Variants in PELO observed in about 807,000 individuals in gnomAD.
The protein encoded by PELO is protein pelota homolog.
Under a neutral mutation model 25.9 loss-of-function variants are expected in PELO, and 19 were observed. The ratio of observed to expected loss-of-function variants is 0.73; its 90% confidence interval spans 0.51 to 1.08. The LOEUF is 1.08. Ranked by LOEUF, PELO falls within the 50% of genes least tolerant of loss-of-function variation. The pLI, the probability that PELO is intolerant of heterozygous loss-of-function variation, is 0.00. For synonymous variants in PELO, 196 were observed against 192.2 expected, an observed-to-expected ratio of 1.02 and a Z score of -0.16; for missense variants, 498 against 491.4, an observed-to-expected ratio of 1.01 and a Z score of -0.13.
At chr5:52,788,857 CT>C (rs145683910) in intron 1 of PELO, among the ~76,000 whole-genome samples, 12,320 of 151,992 alleles carry the variant, frequency 0.081, 580 homozygotes, top group East Asian at 0.22. Context: ...ATTGAATTTT[CT>C]TGCTGTCTAC....
intron 1 of PELO, among the ~76,000 whole-genome samples, chr5:52,791,320 A>G (rs992435457): frequency 2.6e-5 from 4 of 152,180 alleles, no homozygotes; most frequent in African/African-American, 9.6e-5. Context: ...CAAGGTGAGA[A>G]GAAAAACCAT....
Position 52,788,113 on chromosome 5 carries a change from C to A in PELO, c.-812C>A, listed in dbSNP as rs1175779799. The A allele has an allele frequency of 2.3e-6, 1 of 428,210 alleles. No homozygotes were observed. The highest frequency in any genetic ancestry group is 2.1e-5 in the African/African-American group (1 of 48,336). 26.5% of individuals were successfully genotyped at this position (428,210 alleles called of 1,614,324 possible). On this transcript the variant is annotated 5_prime_UTR_variant, in exon 1 of 3. Transcript: ENST00000274311. The stretch of plus-strand genomic sequence containing the variant: ...CCAGTGAGATTTCAGAGACCAAGAG[C>A]GCGAAGGGGCGGGCGATGTGGCAAT...
At chr5:52,797,732 C>A (rs1748373151) in intron 1 of PELO, among the ~76,000 whole-genome samples, 1 of 152,136 alleles carries the variant, frequency 6.6e-6, no homozygotes, top group Non-Finnish European at 1.5e-5. Context: ...AATTTCAATG[C>A]TAGTCATGTG....
chr5:52,790,584 C>T (rs566478008), intron 1 of PELO, among the ~76,000 whole-genome samples: 3 of 152,146 alleles, frequency 2.0e-5, no homozygotes, highest in Non-Finnish European at 2.9e-5. Context: ...CATCTTCAAC[C>T]GAGCAGGGTA....
chr5:52,791,099 G>A (rs1027993349), intron 1 of PELO, among the ~76,000 whole-genome samples: 2 of 152,034 alleles, frequency 1.3e-5, no homozygotes, highest in East Asian at 1.9e-4. Context: ...TCCTTACAAC[G>A]TTTACTAAAA....
chr5:52,800,164 C>A lies in PELO; in HGVS notation c.-231C>A. The A allele has an allele frequency of 1.8e-6, 1 of 566,920 alleles. No homozygotes were observed. Among genetic ancestry groups the A allele is most frequent in the Non-Finnish European group, 3.2e-6 (1 of 316,168 alleles). 35.1% of individuals were successfully genotyped at this position (566,920 alleles called of 1,614,324 possible). Reference sequence around the variant, plus strand: ...AGGGGTAGATTTTCGCTGCAGTGTTCCCCGAGCCTGTTAGACGCAGCGCGC... The same window carrying A: ...AGGGGTAGATTTTCGCTGCAGTGTTACCCGAGCCTGTTAGACGCAGCGCGC... On this transcript the variant is annotated 5_prime_UTR_variant, in exon 2 of 3. Coordinates refer to ENST00000274311, the MANE Select transcript of PELO (RefSeq NM_015946.5).
chr5:52,793,314 C>T lies in PELO; in HGVS notation c.-511+4900C>T, dbSNP rs917146176. 1.2e-4 allele frequency among the ~76,000 whole-genome samples: 19 copies of T among 152,002 alleles called. 1 individual carries two copies. Among genetic ancestry groups the T allele is most frequent in the Admixed American group, 9.8e-4 (15 of 15,262 alleles). ...TGACTATTGACAAACTCAGAAAATA[C>T]TTAAGGGATCAGATTGTCCCTTTAT... On this transcript the variant is annotated intron_variant, in intron 1 of 2. Coordinates refer to ENST00000274311, the MANE Select transcript of PELO (RefSeq NM_015946.5).
rs534003497 is a variant in PELO, at chr5:52,798,251, G to A, written c.-510-1634G>A. Among the ~76,000 whole-genome samples, 7 of 152,302 alleles carry A rather than the reference G, an allele frequency of 4.6e-5. No individual in the cohort carries two copies. In the South Asian group the frequency reaches 1.4e-3, roughly 32 times the overall value. On this transcript the variant is annotated intron_variant, in intron 1 of 2. Transcript: ENST00000274311. ...ATTAGGAACTTCTTGAGGGTACTCA[G>A]TATGATAGGAAGGTGGGAAGAAGGA... is the stretch of plus-strand genomic sequence containing the variant.
intron 1 of PELO, among the ~76,000 whole-genome samples, chr5:52,792,586 G>A (rs1777963972): frequency 6.6e-6 from 1 of 152,114 alleles, no homozygotes. Context: ...GTAGATAGAT[G>A]CTCCTCTAAC....
rs1446407986 is a variant in PELO, at chr5:52,797,952, T to C, written c.-510-1933T>C. On this transcript the variant is annotated intron_variant, in intron 1 of 2. Coordinates refer to ENST00000274311, the MANE Select transcript of PELO (RefSeq NM_015946.5). ...GTGGCTTTTAATCTTTGGCAGACTA[T>C]GGGAAAGATAAATTGTACTTAGAAA... Among the ~76,000 whole-genome samples the C allele has an allele frequency of 2.6e-5, 4 of 152,308 alleles. No homozygotes were observed. In the East Asian group the frequency reaches 5.8e-4, roughly 22 times the overall value.
chr5:52,800,147 A>G lies in PELO; in HGVS notation c.-248A>G, dbSNP rs1018418900. 1.3e-5 allele frequency: 7 copies of G among 534,396 alleles called. 1 individual carries two copies. Among genetic ancestry groups the G allele is most frequent in the African/African-American group, 7.6e-5 (4 of 52,354 alleles). 33.1% of individuals were successfully genotyped at this position (534,396 alleles called of 1,614,324 possible). A position where few individuals can be genotyped will look rare whatever the true frequency, so the allele number is the denominator to read the frequency against. The stretch of plus-strand genomic sequence containing the variant: ...GCCAGCGGGAACTGTGTAGGGGTAG[A>G]TTTTCGCTGCAGTGTTCCCCGAGCC... On this transcript the variant is annotated 5_prime_UTR_variant, in exon 2 of 3. Coordinates refer to ENST00000274311, the MANE Select transcript of PELO (RefSeq NM_015946.5).
At chr5:52,788,932 G>A (rs1003348455) in intron 1 of PELO, among the ~76,000 whole-genome samples, 31 of 152,142 alleles carry the variant, frequency 2.0e-4, no homozygotes, top group African/African-American at 7.2e-4. Flanking sequence ...ACTGCCACTT[G>A]TTCCAAAATG....
At position 52,791,903 on chromosome 5, in the gene PELO, C is replaced by A. The variant is rs543252355; in HGVS notation, c.-511+3489C>A. ...AATGACAAATCTACTCAATTCATAT[C>A]TCTGACCTCAAATTAAATGCTCTAA... On this transcript the variant is annotated intron_variant, in intron 1 of 2. Transcript: ENST00000274311. Among the ~76,000 whole-genome samples, 8 of 152,278 alleles carry A rather than the reference C, an allele frequency of 5.3e-5. No homozygotes were observed. In the South Asian group the frequency reaches 1.7e-3, roughly 32 times the overall value.
In PELO at chr5:52,800,711, C is replaced by A. The variant is rs1177810041; in HGVS notation, c.317C>A (p.Pro106His). The A allele has an allele frequency of 6.2e-7, 1 of 1,614,174 alleles. No homozygotes were observed. Among genetic ancestry groups the A allele is most frequent in the Non-Finnish European group, 8.5e-7 (1 of 1,180,036 alleles). ...GCTTACCACACCATCGAGCTGGAGC[C>A]CAACCGCCAGTTCACCCTGGCCAAG... Reference protein sequence around the residue: ...MGAYHTIELEPNRQFTLAKKQ... With the variant: ...MGAYHTIELEHNRQFTLAKKQ... Residue 106 changes from proline (P) to histidine (H), a missense_variant, in exon 2 of 3, where the codon CCC becomes CAC. Pro to His is a moderately conservative substitution (Grantham distance 77, BLOSUM62 -2). Coordinates refer to ENST00000274311, the MANE Select transcript of PELO (RefSeq NM_015946.5).
Position 52,800,370 on chromosome 5 carries a change from C to G in PELO, c.-25C>G, listed in dbSNP as rs1240334728. The G allele has an allele frequency of 6.2e-7, 1 of 1,612,850 alleles. No individual in the cohort carries two copies. The highest frequency in any genetic ancestry group is 1.7e-5 in the Admixed American group (1 of 59,994). On this transcript the variant is annotated 5_prime_UTR_variant, in exon 2 of 3. Transcript: ENST00000274311. ...GAGGACCTCCTTGGTTCCTTTGGTT[C>G]TGTCAGTGAGCCCCTTCCTTGGCCA...
intron 1 of PELO, among the ~76,000 whole-genome samples, chr5:52,797,414 A>C (rs901919199): frequency 1.2e-4 from 18 of 152,062 alleles, no homozygotes; most frequent in African/African-American, 4.3e-4. Flanking sequence ...CTAAAGTAGA[A>C]CATTAGATCT....
At chr5:52,790,030 G>T (rs1478908797) in intron 1 of PELO, among the ~76,000 whole-genome samples, 3 of 152,154 alleles carry the variant, frequency 2.0e-5, no homozygotes, top group African/African-American at 7.2e-5. Context: ...TCTGAAATTG[G>T]ACTGCTTTCC....
intron 2 of PELO, 103 bp downstream of exon 2, chr5:52,801,223 A>T: frequency 7.9e-7 from 1 of 1,271,506 alleles, no homozygotes; most frequent in Non-Finnish European, 1.1e-6. Context: ...GAAAGTCTTT[A>T]CTTAGCTGGG....
In PELO at chr5:52,801,835, G is replaced by C. The variant is rs758435268; in HGVS notation, c.1153G>C (p.Asp385His). ...AGAGGGTGATTCCAGTTCTGAAGAGGATTAATGATTGAAACTTAAAATTGA... is the reference window on the plus strand; with the variant it reads ...AGAGGGTGATTCCAGTTCTGAAGAGCATTAATGATTGAAACTTAAAATTGA... ...DQEGDSSSEED is the reference protein window; with the variant it reads ...DQEGDSSSEEH Residue 385 changes from aspartate to histidine, a missense_variant, in exon 3 of 3, where the codon GAT (aspartate) becomes CAT (histidine). Physicochemically the swap from Asp to His is moderately conservative, Grantham distance 81 (BLOSUM62 -1). Coordinates refer to ENST00000274311, the MANE Select transcript of PELO (RefSeq NM_015946.5). 7 of 1,582,716 alleles carry C rather than the reference G, an allele frequency of 4.4e-6. No individual in the cohort carries two copies. In the African/African-American group the frequency reaches 9.5e-5, roughly 21 times the overall value.
Sources: gnomAD v4.1 joint callset for allele counts (sites outside exome capture counted in the v4.1 genomes callset) on GRCh38, gnomAD v4.1.1 for gene constraint, MANE v1.5 for transcripts, NCBI Gene and HGNC (gene_info 2026-07-23, HGNC 2026-07-21) for gene names.